Variants in PPP2R2D observed in about 807,000 individuals in gnomAD.
The protein encoded by PPP2R2D is protein phosphatase 2 regulatory subunit Bdelta.
Under a neutral mutation model 31.1 loss-of-function variants are expected in PPP2R2D, and 9 were observed. That is an observed-to-expected ratio of 0.29 (90% CI 0.17 to 0.51). PPP2R2D has a LOEUF of 0.51. Ranked by LOEUF, PPP2R2D falls within the 20% of genes least tolerant of loss-of-function variation. The pLI, the probability that PPP2R2D is intolerant of heterozygous loss-of-function variation, is 0.98. For missense variants in PPP2R2D, 391 were observed against 465.6 expected (o/e 0.84, Z 1.48); for synonymous variants, 179 against 172.6 (o/e 1.04, Z -0.29).
At position 131,901,020 on chromosome 10, in the gene PPP2R2D, C is replaced by CCGGCGGCGG. The variant is rs1229531944; in HGVS notation, c.-111_-103dup. The CCGGCGGCGG allele has an allele frequency of 1.6e-3, 244 of 154,094 alleles. No individual in the cohort carries two copies. The highest frequency in any genetic ancestry group is 0.011 in the East Asian group (55 of 4,940). 9.5% of individuals were successfully genotyped at this position (154,094 alleles called of 1,614,324 possible). A position where few individuals can be genotyped will look rare whatever the true frequency, so the allele number is the denominator to read the frequency against. The stretch of plus-strand genomic sequence containing the variant: ...TTTGAAAAGGGAAAAAAATCCCTCC[C>CCGGCGGCGG]CGGCGGCGGCGGCGGCGGCGGCGGC... On this transcript the variant is annotated 5_prime_UTR_variant, in exon 1 of 9. Coordinates refer to ENST00000455566, the MANE Select transcript of PPP2R2D (RefSeq NM_018461.5).
the PPP2R2D span, chr10:131,967,130 C>T: frequency 2.0e-5 from 3 of 152,228 alleles, no homozygotes; most frequent in African/African-American, 4.8e-5. Context: ...CCACCTCAAC[C>T]TCCCAAAGTG....
At chr10:131,917,259 C>A (rs1554893313) in intron 2 of PPP2R2D, among the ~76,000 whole-genome samples, 1 of 128,414 alleles carries the variant, frequency 7.8e-6, no homozygotes, top group Non-Finnish European at 1.6e-5. Flanking sequence ...TTTGTAGGGA[C>A]CTCAGGCGGG....
intron 2 of PPP2R2D, among the ~76,000 whole-genome samples, chr10:131,903,404 T>TTGCAG (rs1283918370): frequency 4.1e-5 from 6 of 147,474 alleles, no homozygotes; most frequent in African/African-American, 1.5e-4. Flanking sequence ...GTGGTGGAGG[T>TTGCAG]TGCAGTGAGT....
chr10:131,925,947 C>T (rs1199287039), intron 2 of PPP2R2D, among the ~76,000 whole-genome samples: 1 of 152,178 alleles, frequency 6.6e-6, no homozygotes, highest in Admixed American at 6.5e-5. Flanking sequence ...CACACAGGCC[C>T]TTAGTCTGAG....
intron 2 of PPP2R2D, among the ~76,000 whole-genome samples, chr10:131,931,255 G>A (rs1229739117): frequency 6.6e-6 from 1 of 152,236 alleles, no homozygotes; most frequent in South Asian, 2.1e-4. Flanking sequence ...CCAAACCCTG[G>A]TACTGTAGCG....
chr10:131,934,368 C>T, intron 2 of PPP2R2D, 90 bp from the exon 3 acceptor site: 2 of 684,034 alleles, frequency 2.9e-6, no homozygotes, highest in Non-Finnish European at 5.4e-6. Flanking sequence ...ATATGTTTAT[C>T]GTCCTTTTGC....
At chr10:131,961,843 T>C (rs77356527), downstream of PPP2R2D, among the ~76,000 whole-genome samples, 1 of 151,580 alleles carries the variant, frequency 6.6e-6, no homozygotes, top group Non-Finnish European at 1.5e-5. Context: ...TTTTTTTTTT[T>C]ACATTATCTT....
chr10:131,927,422 C>T (rs75801382), intron 2 of PPP2R2D, among the ~76,000 whole-genome samples: 2,505 of 152,074 alleles, frequency 0.016, 56 homozygotes, highest in African/African-American at 0.048. Flanking sequence ...CGGACGGGTG[C>T]GCGGGTTGGA....
At position 131,955,915 on chromosome 10, in the gene PPP2R2D, C is replaced by G; in HGVS notation, c.1314C>G (p.Ala438=). The G allele has an allele frequency of 6.3e-7, 1 of 1,585,024 alleles. No homozygotes were observed. Among genetic ancestry groups the G allele is most frequent in the Non-Finnish European group, 8.6e-7 (1 of 1,163,620 alleles). The change falls in exon 9 of 9, where the codon GCC becomes GCG. Residue 438 remains alanine (A), a synonymous_variant. Coordinates refer to ENST00000455566, the MANE Select transcript of PPP2R2D (RefSeq NM_018461.5). ...GGCACCCCGTGGACAATGTCATTGC[C>G]GTGGCTGCCACCAATAACTTGTACA... ...TAWHPVDNVI[A]VAATNNLYIF...
intron 7 of PPP2R2D, among the ~76,000 whole-genome samples, chr10:131,946,386 T>C (rs1554897988): frequency 6.6e-6 from 1 of 151,900 alleles, no homozygotes; most frequent in Non-Finnish European, 1.5e-5. Flanking sequence ...CTTCCTCTGA[T>C]GGGGAAGCCG....
rs1315384075 is a variant in PPP2R2D at position 131,945,708 on chromosome 10, C to T, written c.820+249C>T. On this transcript the variant is annotated intron_variant, in intron 7 of 8. Transcript: ENST00000455566. This position sits in a 1 kb window ranked among gnomAD's most constrained non-coding sequence, Gnocchi z 4.8. ...TCAGGTGATCCCCCTACCTCGGCCT[C>T]CCAAAGTGCTGGGATTACAGGTGTG... is the stretch of plus-strand genomic sequence containing the variant. 4.4e-6 allele frequency: 2 copies of T among 453,322 alleles called. No homozygotes were observed. Among genetic ancestry groups the T allele is most frequent in the African/African-American group, 2.0e-5 (1 of 50,736 alleles). 28.1% of individuals were successfully genotyped at this position (453,322 alleles called of 1,614,324 possible).
chr10:131,917,496 C>CAGGCGGGTGGAATG (rs2035831878), intron 2 of PPP2R2D, among the ~76,000 whole-genome samples: 2 of 126,064 alleles, frequency 1.6e-5, no homozygotes, highest in Non-Finnish European at 1.6e-5. Context: ...GTAGGGACCT[C>CAGGCGGGTGGAATG]ACACGGATGG....
downstream of PPP2R2D, among the ~76,000 whole-genome samples, chr10:131,963,874 G>A (rs1329743608): frequency 2.6e-5 from 4 of 152,288 alleles, no homozygotes; most frequent in Admixed American, 6.5e-5. Flanking sequence ...CACCGTGCAG[G>A]GCTAGTGGCC....
intron 8 of PPP2R2D, among the ~76,000 whole-genome samples, chr10:131,951,376 T>C (rs2036632814): frequency 6.6e-6 from 1 of 152,236 alleles, no homozygotes; most frequent in Admixed American, 6.5e-5. Flanking sequence ...TCATAACATA[T>C]ACTGAAAAGC....
At position 131,956,325 on chromosome 10, in the gene PPP2R2D, AC is replaced by A; in HGVS notation, c.*363del. The A allele has an allele frequency of 1.0e-6, 1 of 995,790 alleles. No homozygotes were observed. The highest frequency in any genetic ancestry group is 4.7e-5 in the South Asian group (1 of 21,382). The allele number at this position is 995,790 out of a possible 1,614,324, so 61.7% of individuals were successfully genotyped here. A position where few individuals can be genotyped will look rare whatever the true frequency, so the allele number is the denominator to read the frequency against. On this transcript the variant is annotated 3_prime_UTR_variant, in exon 9 of 9. Coordinates refer to ENST00000455566, the MANE Select transcript of PPP2R2D (RefSeq NM_018461.5). ...ATTGTCAGATACCGCTCTTTCTCCA[AC>A]TTTCCCTCTTTCTCTGCCATCACAC... is the stretch of plus-strand genomic sequence containing the variant.
At chr10:131,928,207 A>G (rs1338698082) in intron 2 of PPP2R2D, among the ~76,000 whole-genome samples, 3 of 152,146 alleles carry the variant, frequency 2.0e-5, no homozygotes, top group African/African-American at 7.2e-5. Context: ...CCGATTTGCT[A>G]GTGCCTCCGG....
Position 131,945,458 on chromosome 10 carries a change from G to A in PPP2R2D, c.819G>A (p.Lys273=). The A allele has an allele frequency of 6.2e-7, 1 of 1,604,860 alleles. No homozygotes were observed. The highest frequency in any genetic ancestry group is 8.5e-7 in the Non-Finnish European group (1 of 1,173,724). ...RSSALCDRHS[K]FFEEPEDPSS... ...CGGCCCTGTGCGACAGACACTCCAA[G>A]TGTAAGTGCGTCTGTTGTTGAGATG... Residue 273 remains lysine, a splice_region_variant and synonymous_variant, in exon 7 of 9, where the codon AAG becomes AAA. Coordinates refer to ENST00000455566, the MANE Select transcript of PPP2R2D (RefSeq NM_018461.5). This position sits in a 1 kb window ranked among gnomAD's most constrained non-coding sequence, Gnocchi z 4.8.
chr10:131,915,243 G>A (rs1391312249), intron 2 of PPP2R2D, among the ~76,000 whole-genome samples: 2 of 151,956 alleles, frequency 1.3e-5, no homozygotes, highest in African/African-American at 2.4e-5. Flanking sequence ...GAAAAGGGGG[G>A]ATTCGTGCCT....
Position 131,955,840 on chromosome 10 carries a change from G to C in PPP2R2D, c.1239G>C (p.Glu413Asp). Residue 413 changes from glutamate to aspartate, a missense_variant, in exon 9 of 9, where the codon GAG becomes GAC. By Grantham distance (45) the Glu-to-Asp change is conservative. Transcript: ENST00000455566. ...VCTGGKRRKD[E>D]ISVDSLDFNK... The stretch of plus-strand genomic sequence containing the variant: ...CGGGGGGTAAGCGGAGGAAAGACGA[G>C]ATCAGTGTGGACAGTCTGGACTTCA... The C allele has an allele frequency of 6.2e-7, 1 of 1,610,036 alleles. No homozygotes were observed. Among genetic ancestry groups the C allele is most frequent in the Non-Finnish European group, 8.5e-7 (1 of 1,177,908 alleles).
Sources: allele counts gnomAD v4.1 joint callset (sites outside exome capture counted in the v4.1 genomes callset), GRCh38; gene constraint gnomAD v4.1.1; non-coding constraint Gnocchi (gnomAD v3.1); transcripts MANE v1.5; gene names NCBI Gene and HGNC (gene_info 2026-07-23, HGNC 2026-07-21).